HEMK2: variants seen among roughly 807,000 people sequenced by gnomAD.
HEMK2 encodes HemK methyltransferase 2, ETF1 glutamine and histone H4 lysine, also known as methyltransferase HEMK2.
the HEMK2 span, among the ~76,000 whole-genome samples, chr21:28,811,445 C>CAGGG: frequency 1.8e-5 from 2 of 113,208 alleles, no homozygotes; most frequent in Non-Finnish European, 1.7e-5. Flanking sequence ...GGGACGGACG[C>CAGGG]AGGGAGGGAG....
chr21:28,880,737 T>C, the HEMK2 span, among the ~76,000 whole-genome samples: 9 of 147,784 alleles, frequency 6.1e-5, no homozygotes, highest in Non-Finnish European at 1.2e-4. Context: ...AGTGAGACTG[T>C]GTCTCAAAAA....
the HEMK2 span, among the ~76,000 whole-genome samples, chr21:28,688,141 T>A: frequency 6.6e-6 from 1 of 152,178 alleles, no homozygotes; most frequent in Admixed American, 6.5e-5. Context: ...CATTCACAAC[T>A]GCACGTCAAA....
At chr21:28,706,033 G>A in the HEMK2 span, among the ~76,000 whole-genome samples, 2 of 152,096 alleles carry the variant, frequency 1.3e-5, no homozygotes, top group Non-Finnish European at 2.9e-5. Context: ...TTTTTGCCTT[G>A]TAAGGCAACA....
chr21:28,723,869 G>A, the HEMK2 span, among the ~76,000 whole-genome samples: 4 of 152,168 alleles, frequency 2.6e-5, no homozygotes, highest in Admixed American at 6.5e-5. Context: ...CCTTGCCATG[G>A]TGTGTCTTTT....
chr21:28,676,901 T>C, the HEMK2 span, among the ~76,000 whole-genome samples: 12 of 152,168 alleles, frequency 7.9e-5, no homozygotes, highest in Non-Finnish European at 7.4e-5. Flanking sequence ...AAAATGACTT[T>C]TAAAATTCTT....
At chr21:28,638,364 C>G in the HEMK2 span, among the ~76,000 whole-genome samples, 1 of 152,024 alleles carries the variant, frequency 6.6e-6, no homozygotes, top group African/African-American at 2.4e-5. Context: ...AGGAGGAGCA[C>G]GGTGCACAGG....
chr21:28,661,771 C>G, the HEMK2 span, among the ~76,000 whole-genome samples: 1 of 152,102 alleles, frequency 6.6e-6, no homozygotes, highest in Non-Finnish European at 1.5e-5. Context: ...TAGCCAGTAG[C>G]CACGTGTGGC....
chr21:28,720,433 T>C, the HEMK2 span, among the ~76,000 whole-genome samples: 2 of 152,288 alleles, frequency 1.3e-5, no homozygotes, highest in African/African-American at 2.4e-5. Flanking sequence ...ACAGTAATGT[T>C]AAAATATAAG....
the HEMK2 span, among the ~76,000 whole-genome samples, chr21:28,808,711 A>T: frequency 2.6e-5 from 4 of 152,100 alleles, no homozygotes; most frequent in Non-Finnish European, 4.4e-5. Context: ...CTTTTACATT[A>T]ACCTTGTATA....
chr21:28,876,304 C>T, the HEMK2 span: 1 of 923,366 alleles, frequency 1.1e-6, no homozygotes, highest in Non-Finnish European at 1.6e-6. Flanking sequence ...GATAAAATTC[C>T]TTGTTACCTA....
the HEMK2 span, among the ~76,000 whole-genome samples, chr21:28,708,224 CAA>C: frequency 9.4e-5 from 14 of 148,350 alleles, no homozygotes; most frequent in East Asian, 5.9e-4. Context: ...TTAATGTAGT[CAA>C]AAAAAAAAAC....
chr21:28,602,046 T>C, the HEMK2 span, among the ~76,000 whole-genome samples: 2 of 152,336 alleles, frequency 1.3e-5, no homozygotes, highest in East Asian at 3.9e-4. Flanking sequence ...TGTACAAGCC[T>C]AATTTCCTCA....
the HEMK2 span, among the ~76,000 whole-genome samples, chr21:28,713,239 A>C: frequency 6.6e-6 from 1 of 151,908 alleles, no homozygotes; most frequent in Non-Finnish European, 1.5e-5. Context: ...ACTTTTCTCC[A>C]TTGCTCATGC....
At chr21:28,684,615 A>G in the HEMK2 span, among the ~76,000 whole-genome samples, 1 of 152,176 alleles carries the variant, frequency 6.6e-6, no homozygotes, top group Admixed American at 6.5e-5. Flanking sequence ...GATTTTCATC[A>G]TTTGGGATTT....
the HEMK2 span, among the ~76,000 whole-genome samples, chr21:28,695,391 T>A: frequency 6.6e-6 from 1 of 152,126 alleles, no homozygotes. Flanking sequence ...ACACTGCTAA[T>A]AAAGACATAC....
chr21:28,681,574 A>C, the HEMK2 span, among the ~76,000 whole-genome samples: 50,558 of 152,020 alleles, frequency 0.33, 9,651 homozygotes, highest in African/African-American at 0.51. Flanking sequence ...ATGGACCAAA[A>C]AAAAGCCTGC....
chr21:28,860,588 C>T, the HEMK2 span, among the ~76,000 whole-genome samples: 2 of 151,990 alleles, frequency 1.3e-5, no homozygotes, highest in Non-Finnish European at 2.9e-5. Flanking sequence ...GATTCTATCT[C>T]CTGGCTTCAG....
chr21:28,694,629 TTTTTTTTTGTA>T, the HEMK2 span, among the ~76,000 whole-genome samples: 1 of 113,348 alleles, frequency 8.8e-6, no homozygotes, highest in Non-Finnish European at 1.9e-5. Flanking sequence ...CCCTCCTCTA[TTTTTTTTTGTA>T]TTTTCTTCTC....
chr21:28,776,060 C>T, the HEMK2 span, among the ~76,000 whole-genome samples: 1 of 152,086 alleles, frequency 6.6e-6, no homozygotes, highest in South Asian at 2.1e-4. Context: ...AGGTTTTAAC[C>T]CCTTAAGTTC....
Sources: gnomAD v4.1 joint callset for allele counts (sites outside exome capture counted in the v4.1 genomes callset) on GRCh38, gnomAD v4.1.1 for gene constraint, MANE v1.5 for transcripts, NCBI Gene and HGNC (gene_info 2026-07-23, HGNC 2026-07-21) for gene names.